Variants in DMRT1 observed in about 807,000 individuals in gnomAD.
The protein encoded by DMRT1 is doublesex- and mab-3-related transcription factor 1.
In DMRT1, 7 loss-of-function variants were observed where a neutral mutation model predicts 32.3. That is an observed-to-expected ratio of 0.22 (90% confidence interval 0.12 to 0.41). The LOEUF (loss-of-function observed/expected upper bound fraction) is 0.41. DMRT1 is among the 10% of genes least tolerant of loss of function. The probability of loss-of-function intolerance (pLI) is 1.00; values close to 1 mark genes in which losing one functional copy is unlikely to be tolerated. For synonymous variants in DMRT1, 278 were observed against 206.1 expected, an observed-to-expected ratio of 1.35 and a Z score of -2.99; for missense variants, 625 against 500.5, an observed-to-expected ratio of 1.25 and a Z score of -2.37.
intron 2 of DMRT1, among the ~76,000 whole-genome samples, chr9:888,808 G>A (rs533545693): frequency 1.3e-5 from 2 of 151,974 alleles, no homozygotes; most frequent in African/African-American, 2.4e-5. Flanking sequence ...GAGTACAGCC[G>A]TGTGTCTCAA....
chr9:952,084 T>G (rs1206918495), intron 4 of DMRT1, among the ~76,000 whole-genome samples: 1 of 150,792 alleles, frequency 6.6e-6, no homozygotes, highest in African/African-American at 2.5e-5. Context: ...CAGGGTCCCA[T>G]AACTAGTAAG....
At chr9:894,865 G>A (rs751099770) in intron 3 of DMRT1, 3 of 154,998 alleles carry the variant, frequency 1.9e-5, no homozygotes, top group Non-Finnish European at 2.8e-5. Flanking sequence ...CCAGGCTGGA[G>A]TGCAGTGGTA....
intron 3 of DMRT1, among the ~76,000 whole-genome samples, chr9:901,166 C>T (rs1010141276): frequency 2.0e-5 from 3 of 152,128 alleles, no homozygotes; most frequent in African/African-American, 7.2e-5. Flanking sequence ...AGGCATGTAC[C>T]ACCACACCCA....
At chr9:873,911 A>G (rs1022490627) in intron 2 of DMRT1, among the ~76,000 whole-genome samples, 1 of 152,214 alleles carries the variant, frequency 6.6e-6, no homozygotes, top group Non-Finnish European at 1.5e-5. Context: ...CCAAAATTCA[A>G]TTAGTAGGGG....
At chr9:954,638 C>G (rs80298884) in intron 4 of DMRT1, among the ~76,000 whole-genome samples, 10,986 of 151,712 alleles carry the variant, frequency 0.072, 576 homozygotes, top group South Asian at 0.23. Context: ...GTTGTTTGGG[C>G]TTTATTTTAT....
In DMRT1 at chr9:852,056, G is replaced by A. The variant is rs12342922; in HGVS notation, c.538+4913G>A. 4.6e-5 allele frequency among the ~76,000 whole-genome samples: 7 copies of A among 151,374 alleles called. 1 individual carries two copies. The highest frequency in any genetic ancestry group is 1.7e-4 in the African/African-American group (7 of 41,220). On this transcript the variant is annotated intron_variant, in intron 2 of 4. Transcript: ENST00000382276. The stretch of plus-strand genomic sequence containing the variant: ...CTGGGTTCAAGAGATTCTGGTGCCT[G>A]AGCCTCTTGAGTAGCTGGGATTACA...
intron 2 of DMRT1, among the ~76,000 whole-genome samples, chr9:878,200 G>GCCACCCCCCC (rs1816584669): frequency 1.1e-5 from 1 of 94,040 alleles, no homozygotes; most frequent in African/African-American, 4.3e-5. Context: ...TGCAGCTGCT[G>GCCACCCCCCC]CCCCCCCCCC....
chr9:962,184 A>G (rs279903), intron 4 of DMRT1, among the ~76,000 whole-genome samples: 104,557 of 152,054 alleles, frequency 0.69, 37,216 homozygotes, highest in Middle Eastern at 0.83. Context: ...GGACGGGACT[A>G]GTCAACTGAG....
chr9:855,620 T>C (rs1815365628), intron 2 of DMRT1, among the ~76,000 whole-genome samples: 1 of 152,258 alleles, frequency 6.6e-6, no homozygotes, highest in Non-Finnish European at 1.5e-5. Context: ...AACATATATC[T>C]GAATTTTTTT....
chr9:906,516 A>G (rs1185543543), intron 3 of DMRT1, among the ~76,000 whole-genome samples: 1 of 152,156 alleles, frequency 6.6e-6, no homozygotes, highest in African/African-American at 2.4e-5. Flanking sequence ...GGAGATTGTG[A>G]TGGTGACATA....
intron 1 of DMRT1, among the ~76,000 whole-genome samples, chr9:844,695 G>C (rs1355789435): frequency 1.3e-5 from 2 of 148,550 alleles, no homozygotes; most frequent in African/African-American, 2.5e-5. Context: ...CATATAAATT[G>C]TAGTTGTTTT....
chr9:854,982 T>C (rs1292123029), intron 2 of DMRT1, among the ~76,000 whole-genome samples: 1 of 150,728 alleles, frequency 6.6e-6, no homozygotes, highest in Admixed American at 6.7e-5. Flanking sequence ...TTAGCCAGGA[T>C]GGTCTCAATC....
rs10815894 is a variant in DMRT1, at chr9:860,411, C to G, written c.538+13268C>G. 8.0e-5 allele frequency among the ~76,000 whole-genome samples: 6 copies of G among 74,742 alleles called. 1 individual carries two copies. Among genetic ancestry groups the G allele is most frequent in the South Asian group, 9.6e-4 (2 of 2,078 alleles). The allele number at this position is 74,742 out of a possible 152,430, so 49.0% of individuals were successfully genotyped here. A position where few individuals can be genotyped will look rare whatever the true frequency, so the allele number is the denominator to read the frequency against. Reference sequence around the variant, plus strand: ...AATGTTTGCTGAATTGAATTGAATTCATCTCTGCTGGAGAGTTTGCTGTCT... The same window carrying G: ...AATGTTTGCTGAATTGAATTGAATTGATCTCTGCTGGAGAGTTTGCTGTCT... On this transcript the variant is annotated intron_variant, in intron 2 of 4. Coordinates refer to ENST00000382276, the MANE Select transcript of DMRT1 (RefSeq NM_021951.3).
intron 3 of DMRT1, among the ~76,000 whole-genome samples, chr9:897,359 A>G (rs980952266): frequency 6.6e-6 from 1 of 151,768 alleles, no homozygotes; most frequent in African/African-American, 2.4e-5. Flanking sequence ...CTCGTGATCC[A>G]CCAGCCTCGG....
At chr9:918,482 G>T (rs972553989) in intron 4 of DMRT1, among the ~76,000 whole-genome samples, 1 of 152,170 alleles carries the variant, frequency 6.6e-6, no homozygotes, top group African/African-American at 2.4e-5. Context: ...TGAATTTATG[G>T]CAGAAAAGGA....
At chr9:872,266 T>C (rs1816303598) in intron 2 of DMRT1, among the ~76,000 whole-genome samples, 1 of 152,016 alleles carries the variant, frequency 6.6e-6, no homozygotes. Flanking sequence ...TTTCACCATG[T>C]TGGCCAGGCT....
chr9:916,998 T>C, intron 4 of DMRT1, 91 bp downstream of exon 4: 1 of 1,420,904 alleles, frequency 7.0e-7, no homozygotes, highest in Non-Finnish European at 9.9e-7. Context: ...GGCTTAGCTG[T>C]TAGTAATTGT....
chr9:942,471 C>A (rs1433209419), intron 4 of DMRT1, among the ~76,000 whole-genome samples: 2 of 151,178 alleles, frequency 1.3e-5, no homozygotes, highest in African/African-American at 4.8e-5. Context: ...TGGGGTTTAG[C>A]CATGTTGCCG....
At chr9:870,878 A>G (rs1310338513) in intron 2 of DMRT1, among the ~76,000 whole-genome samples, 1 of 151,074 alleles carries the variant, frequency 6.6e-6, no homozygotes, top group Non-Finnish European at 1.5e-5. Context: ...AGTGTGGCTA[A>G]TTTTTTTTGT....
Sources: allele counts gnomAD v4.1 joint callset (sites outside exome capture counted in the v4.1 genomes callset), GRCh38; gene constraint gnomAD v4.1.1; transcripts MANE v1.5; gene names NCBI Gene and HGNC (gene_info 2026-07-23, HGNC 2026-07-21).